PCDHGA6: variants seen among roughly 807,000 people sequenced by gnomAD.
The protein encoded by PCDHGA6 is protocadherin gamma-A6.
Under a neutral mutation model 60.6 loss-of-function variants are expected in PCDHGA6, and 41 were observed. The ratio of observed to expected loss-of-function variants is 0.68; its 90% CI spans 0.53 to 0.88. PCDHGA6 has a LOEUF of 0.88. PCDHGA6 is among the 40% of genes least tolerant of loss of function. The probability of loss-of-function intolerance (pLI) is 0.00; values close to 1 mark genes in which losing one functional copy is unlikely to be tolerated. For synonymous variants in PCDHGA6, 594 were observed against 524.4 expected, an observed-to-expected ratio of 1.13 and a Z score of -1.81; for missense variants, 1,312 against 1,203.0, an observed-to-expected ratio of 1.09 and a Z score of -1.34.
At position 141,491,566 on chromosome 5, in the gene PCDHGA6, A is replaced by G; in HGVS notation, c.2425-3241A>G. Reference sequence around the variant, plus strand: ...AGACTCGCAGAGCCACTGCTACAGGACGTGCTTTTCACCGGCCTCGGACGG... The same window carrying G: ...AGACTCGCAGAGCCACTGCTACAGGGCGTGCTTTTCACCGGCCTCGGACGG... On this transcript the variant is annotated intron_variant, in intron 1 of 3. Transcript: ENST00000517434. This position sits in a 1 kb window ranked among gnomAD's most constrained non-coding sequence, Gnocchi z 6.9. 1 of 1,613,950 alleles carries G rather than the reference A, an allele frequency of 6.2e-7. No individual in the cohort carries two copies.
At chr5:141,418,145 T>G in intron 1 of PCDHGA6, 4 of 1,614,052 alleles carry the variant, frequency 2.5e-6, no homozygotes, top group Non-Finnish European at 3.4e-6. Flanking sequence ...TGAGCAAATA[T>G]GCAAAGAGAG....
intron 1 of PCDHGA6, chr5:141,403,427 G>T: frequency 6.2e-7 from 1 of 1,614,026 alleles, no homozygotes; most frequent in Non-Finnish European, 8.5e-7. Context: ...AGAAGCTATT[G>T]ATCCGGATGT....
chr5:141,478,199 C>G, intron 1 of PCDHGA6: 1 of 1,614,056 alleles, frequency 6.2e-7, no homozygotes, highest in Non-Finnish European at 8.5e-7. Flanking sequence ...CTTTTATCTA[C>G]TTCTTTCTCT....
chr5:141,478,517 T>G (rs1593923092), intron 1 of PCDHGA6: 1 of 1,611,116 alleles, frequency 6.2e-7, no homozygotes, highest in Non-Finnish European at 8.5e-7. Context: ...TAGGCAGGTG[T>G]TGGGTGCAGA....
Position 141,394,580 on chromosome 5 carries a change from C to T in PCDHGA6, c.2424+18073C>T, listed in dbSNP as rs779590383. ...CCGCAGAGCGTGGCTACCTGGTGAC[C>T]AAGGTGGTGGCGGTGGACAGAGACT... On this transcript the variant is annotated intron_variant, in intron 1 of 3. Transcript: ENST00000517434. The T allele has an allele frequency of 1.5e-5, 24 of 1,613,914 alleles. No individual in the cohort carries two copies. The South Asian group carries it at 2.6e-4, about 18-fold the overall frequency.
chr5:141,376,844 G>T (rs897403160), intron 1 of PCDHGA6: 2 of 241,996 alleles, frequency 8.3e-6, no homozygotes, highest in Non-Finnish European at 1.6e-5. Flanking sequence ...CCGCCACCGC[G>T]CCCGGCTAAT....
chr5:141,427,937 C>T, intron 1 of PCDHGA6: 1 of 1,584,566 alleles, frequency 6.3e-7, no homozygotes, highest in African/African-American at 1.3e-5. Flanking sequence ...TGTTGGTGGG[C>T]GACCTCAATG....
intron 1 of PCDHGA6, among the ~76,000 whole-genome samples, chr5:141,462,763 G>A (rs935087747): frequency 2.6e-5 from 4 of 152,036 alleles, no homozygotes; most frequent in Non-Finnish European, 4.4e-5. Context: ...TTTTCTTCCT[G>A]GCTTGGGGTC....
intron 1 of PCDHGA6, chr5:141,388,795 C>G (rs1204065309): frequency 6.2e-7 from 1 of 1,613,716 alleles, no homozygotes; most frequent in Non-Finnish European, 8.5e-7. Flanking sequence ...GTTTTAAATA[C>G]ATTAGATTTT....
rs750687055 is a variant in PCDHGA6 at position 141,383,137 on chromosome 5, C to G, written c.2424+6630C>G. The G allele has an allele frequency of 2.5e-5, 40 of 1,613,994 alleles. No individual in the cohort carries two copies. In the Admixed American group the frequency reaches 3.2e-4, roughly 13 times the overall value. On this transcript the variant is annotated intron_variant, in intron 1 of 3. Transcript: ENST00000517434. Reference sequence around the variant, plus strand: ...GACGCAGCTTTTCGCCCTGAACCAGCGCAGCGGCAGCTTGGTCACTGCGGG... The same window carrying G: ...GACGCAGCTTTTCGCCCTGAACCAGGGCAGCGGCAGCTTGGTCACTGCGGG...
chr5:141,491,837 G>A lies in PCDHGA6; in HGVS notation c.2425-2970G>A, dbSNP rs1404051857. The A allele has an allele frequency of 1.4e-6, 2 of 1,472,862 alleles. No individual in the cohort carries two copies. The highest frequency in any genetic ancestry group is 1.8e-6 in the Non-Finnish European group (2 of 1,111,878). The allele number at this position is 1,472,862 out of a possible 1,614,324, so 91.2% of individuals were successfully genotyped here. A position where few individuals can be genotyped will look rare whatever the true frequency, so the allele number is the denominator to read the frequency against. ...TGGCTGCGCTCCACCCGATTCTCGG[G>A]ATCATTGGACCGTTTGCGCGAAACC... On this transcript the variant is annotated intron_variant, in intron 1 of 3. Transcript: ENST00000517434. The surrounding 1 kb of genome is among the most constrained non-coding windows in gnomAD (Gnocchi z 6.9).
chr5:141,478,323 G>C, intron 1 of PCDHGA6: 1 of 1,613,958 alleles, frequency 6.2e-7, no homozygotes, highest in Non-Finnish European at 8.5e-7. Flanking sequence ...TCACTGTACC[G>C]AACACCAGGG....
At chr5:141,379,475 T>C (rs192049867) in intron 1 of PCDHGA6, 35 of 152,390 alleles carry the variant, frequency 2.3e-4, no homozygotes, top group African/African-American at 8.2e-4. Flanking sequence ...GTGTGAATGT[T>C]ATTTTACTAT....
In PCDHGA6 at chr5:141,413,494, G is replaced by A. The variant is rs778441176; in HGVS notation, c.2424+36987G>A. The A allele has an allele frequency of 2.5e-5, 41 of 1,613,924 alleles. No homozygotes were observed. Among genetic ancestry groups the A allele is most frequent in the Non-Finnish European group, 3.1e-5 (37 of 1,179,948 alleles). On this transcript the variant is annotated intron_variant, in intron 1 of 3. Transcript: ENST00000517434. Reference sequence around the variant, plus strand: ...GCTCTGCGCTCAGAGCGCGCGGTGCGTGGTGAGTTTTAATATCCTTGTGGA... The same window carrying A: ...GCTCTGCGCTCAGAGCGCGCGGTGCATGGTGAGTTTTAATATCCTTGTGGA...
chr5:141,383,510 A>G (rs1390731022), intron 1 of PCDHGA6: 1 of 1,612,804 alleles, frequency 6.2e-7, no homozygotes, highest in Admixed American at 1.7e-5. Context: ...GACCGGGAGG[A>G]AGAGCGGGTT....
intron 1 of PCDHGA6, among the ~76,000 whole-genome samples, chr5:141,483,599 G>A (rs1419379218): frequency 6.6e-6 from 1 of 152,048 alleles, no homozygotes; most frequent in African/African-American, 2.4e-5. Flanking sequence ...GGTCAGGCTG[G>A]TTTACACCTC....
intron 1 of PCDHGA6, among the ~76,000 whole-genome samples, chr5:141,401,860 A>G (rs2094201565): frequency 6.6e-6 from 1 of 152,182 alleles, no homozygotes. Flanking sequence ...TTAACCTTTC[A>G]GTAGTTTTCT....
Position 141,476,511 on chromosome 5 carries a change from A to G in PCDHGA6, c.2425-18296A>G, listed in dbSNP as rs1562054650. Reference sequence around the variant, plus strand: ...GTGATCCAGGACATCAACGACAACAATCCTGCTTTCCCTACCCAGGAAATG... The same window carrying G: ...GTGATCCAGGACATCAACGACAACAGTCCTGCTTTCCCTACCCAGGAAATG... On this transcript the variant is annotated intron_variant, in intron 1 of 3. Transcript: ENST00000517434. The surrounding 1 kb of genome is among the most constrained non-coding windows in gnomAD (Gnocchi z 7.6). The G allele has an allele frequency of 5.0e-6, 8 of 1,613,902 alleles. No individual in the cohort carries two copies. The highest frequency in any genetic ancestry group is 6.8e-6 in the Non-Finnish European group (8 of 1,179,960).
In PCDHGA6 at chr5:141,477,279, C is replaced by T. The variant is rs2099408674; in HGVS notation, c.2425-17528C>T. ...GATGCTGGCGAGAACGGGCTGGTGA[C>T]CTGCGAAGTTCCACCGGGTCTCCCT... is the stretch of plus-strand genomic sequence containing the variant. On this transcript the variant is annotated intron_variant, in intron 1 of 3. Transcript: ENST00000517434. The surrounding 1 kb of genome is among the most constrained non-coding windows in gnomAD (Gnocchi z 4.9). 6.2e-7 allele frequency: 1 copy of T among 1,614,054 alleles called. No individual in the cohort carries two copies. Among genetic ancestry groups the T allele is most frequent in the Non-Finnish European group, 8.5e-7 (1 of 1,180,050 alleles).
Sources: allele counts gnomAD v4.1 joint callset (sites outside exome capture counted in the v4.1 genomes callset), GRCh38; gene constraint gnomAD v4.1.1; non-coding constraint Gnocchi (gnomAD v3.1); transcripts MANE v1.5; gene names NCBI Gene and HGNC (gene_info 2026-07-23, HGNC 2026-07-21).